RPGRIP1: variants seen among roughly 807,000 people sequenced by gnomAD.
RPGRIP1 encodes the protein RPGR interacting protein 1.
Under a neutral mutation model 157.9 loss-of-function variants are expected in RPGRIP1, and 128 were observed. That is an observed-to-expected ratio of 0.81 (90% CI 0.70 to 0.94). The LOEUF (loss-of-function observed/expected upper bound fraction) is 0.94. RPGRIP1 is among the 40% of genes least tolerant of loss of function. RPGRIP1 has a pLI of 0.00. For missense variants in RPGRIP1, 1,486 were observed against 1,545.8 expected (o/e 0.96, Z 0.65); for synonymous variants, 554 against 571.6 (o/e 0.97, Z 0.44).
chr14:21,291,974 G>T (rs907670953), intron 2 of RPGRIP1, among the ~76,000 whole-genome samples: 1 of 152,030 alleles, frequency 6.6e-6, no homozygotes, highest in Non-Finnish European at 1.5e-5. Flanking sequence ...TGGTCACGCT[G>T]GTCTCAAACT....
At chr14:21,316,760 A>G (rs1881832483) in intron 10 of RPGRIP1, among the ~76,000 whole-genome samples, 2 of 152,214 alleles carry the variant, frequency 1.3e-5, no homozygotes, top group Non-Finnish European at 2.9e-5. Flanking sequence ...GATAAATAAG[A>G]AATAAGACAT....
intron 3 of RPGRIP1, among the ~76,000 whole-genome samples, chr14:21,297,572 T>C (rs1566669971): frequency 6.6e-6 from 1 of 152,168 alleles, no homozygotes; most frequent in Non-Finnish European, 1.5e-5. Flanking sequence ...ATTTTGAAGA[T>C]ACTGGTGTCA....
chr14:21,345,226 A>G, intron 23 of RPGRIP1, 29 bp downstream of exon 23: 1 of 1,511,760 alleles, frequency 6.6e-7, no homozygotes, highest in Non-Finnish European at 9.1e-7. Flanking sequence ...CTTTGAAACA[A>G]AGGAGATATT....
In RPGRIP1 at chr14:21,330,533, G is replaced by T. The variant is rs577004470; in HGVS notation, c.3238+146G>T. 2.5e-4 allele frequency: 126 copies of T among 499,562 alleles called. 4 individuals are homozygous for T. In the South Asian group the frequency reaches 4.6e-3, roughly 18 times the overall value. 30.9% of individuals were successfully genotyped at this position (499,562 alleles called of 1,614,324 possible). On this transcript the variant is annotated intron_variant, in intron 20 of 24. Transcript: ENST00000400017. ...ATACAAAAATTAGCCGGGTATGGTG[G>T]CAGGCGCCTGTAATCCCAGCTACGT... is the stretch of plus-strand genomic sequence containing the variant.
At chr14:21,346,158 C>A (rs1216289817) in intron 23 of RPGRIP1, among the ~76,000 whole-genome samples, 1 of 152,066 alleles carries the variant, frequency 6.6e-6, no homozygotes, top group Non-Finnish European at 1.5e-5. Flanking sequence ...TTTAGATCTC[C>A]TTTAAAGTTT....
chr14:21,334,815 G>T, intron 21 of RPGRIP1, 110 bp downstream of exon 21: 1 of 647,214 alleles, frequency 1.5e-6, no homozygotes, highest in Non-Finnish European at 2.6e-6. Flanking sequence ...GGCCGAGGCA[G>T]GCAGATCACC....
At position 21,307,851 on chromosome 14, in the gene RPGRIP1, T is replaced by C. The variant is rs1054928240; in HGVS notation, c.906+15T>C. The C allele has an allele frequency of 7.0e-7, 1 of 1,432,188 alleles. No homozygotes were observed. The highest frequency in any genetic ancestry group is 1.4e-5 in the South Asian group (1 of 73,356). 88.7% of individuals were successfully genotyped at this position (1,432,188 alleles called of 1,614,324 possible). A position where few individuals can be genotyped will look rare whatever the true frequency, so the allele number is the denominator to read the frequency against. ...AAGTTCAAGAGGTGAGTTGCCATCATCAGCTGTGCTTTCTTGGTGGGGGGA... is the reference window on the plus strand; with the variant it reads ...AAGTTCAAGAGGTGAGTTGCCATCACCAGCTGTGCTTTCTTGGTGGGGGGA... On this transcript the variant is annotated intron_variant, in intron 7 of 24. Transcript: ENST00000400017.
At chr14:21,284,877 T>C (rs1436226765) in intron 1 of RPGRIP1, among the ~76,000 whole-genome samples, 3 of 152,090 alleles carry the variant, frequency 2.0e-5, no homozygotes, top group African/African-American at 7.2e-5. Flanking sequence ...GAGACAAAAC[T>C]GGAAAAGACT....
chr14:21,330,451 G>A (rs1594230738), intron 20 of RPGRIP1, 64 bp downstream of exon 20: 13 of 1,189,788 alleles, frequency 1.1e-5, no homozygotes, highest in South Asian at 2.5e-5. Flanking sequence ...GGCAGATCAC[G>A]AGATCAGGCT....
intron 11 of RPGRIP1, among the ~76,000 whole-genome samples, chr14:21,319,279 CA>C (rs1162361147): frequency 6.6e-6 from 1 of 152,118 alleles, no homozygotes; most frequent in Admixed American, 6.5e-5. Flanking sequence ...AACACACACA[CA>C]GCCTGGTGTG....
intron 14 of RPGRIP1, among the ~76,000 whole-genome samples, chr14:21,322,404 CT>C (rs1187612947): frequency 2.0e-5 from 3 of 152,190 alleles, no homozygotes; most frequent in Non-Finnish European, 4.4e-5. Context: ...GGTGATCCAC[CT>C]GCCTCAGCCT....
rs748072501 is a variant in RPGRIP1, at chr14:21,327,808, G to T, written c.2895+1G>T. 7 of 1,587,556 alleles carry T rather than the reference G, an allele frequency of 4.4e-6. No homozygotes were observed. Among genetic ancestry groups the T allele is most frequent in the Non-Finnish European group, 6.0e-6 (7 of 1,166,740 alleles). On this transcript the variant is annotated splice_donor_variant, in intron 18 of 24. Transcript: ENST00000400017. LOFTEE classifies it high-confidence loss of function. The stretch of plus-strand genomic sequence containing the variant: ...GGAAAAGGCTTCATTTCCTTCCCAG[G>T]TAACTCTCCAGGACTCCACAGGTAG...
At chr14:21,322,036 G>A (rs774974732) in intron 14 of RPGRIP1, 32 bp downstream of exon 14, 3 of 1,556,900 alleles carry the variant, frequency 1.9e-6, no homozygotes, top group South Asian at 1.2e-5. Context: ...TCCTCACTTC[G>A]GGACCCTTCC....
At chr14:21,290,837 A>G (rs1174956451) in intron 2 of RPGRIP1, among the ~76,000 whole-genome samples, 1 of 150,300 alleles carries the variant, frequency 6.7e-6, no homozygotes, top group Non-Finnish European at 1.5e-5. Context: ...AAAAAAGGAA[A>G]GAAAGAAAGA....
At chr14:21,335,145 C>T (rs940184518) in intron 21 of RPGRIP1, among the ~76,000 whole-genome samples, 1 of 150,270 alleles carries the variant, frequency 6.7e-6, no homozygotes, top group African/African-American at 2.5e-5. Context: ...ATGGAAAATG[C>T]AAATTGTTTA....
chr14:21,317,409 G>C lies in RPGRIP1; in HGVS notation c.1152-287G>C. 3 of 605,886 alleles carry C rather than the reference G, an allele frequency of 5.0e-6. No homozygotes were observed. The East Asian group carries it at 8.4e-5, about 17-fold the overall frequency. The allele number at this position is 605,886 out of a possible 1,614,324, so 37.5% of individuals were successfully genotyped here. ...CTTGATACATAGTTCCCTGACTAAA[G>C]AAAGCCATCATGGTGGAGAAGTTCC... is the stretch of plus-strand genomic sequence containing the variant. On this transcript the variant is annotated intron_variant, in intron 10 of 24. Coordinates refer to ENST00000400017, the MANE Select transcript of RPGRIP1 (RefSeq NM_020366.4).
At chr14:21,280,239 TTC>T (rs1205775909) in intron 1 of RPGRIP1, among the ~76,000 whole-genome samples, 80 bp downstream of exon 1, 11 of 124,158 alleles carry the variant, frequency 8.9e-5, no homozygotes, top group African/African-American at 1.2e-4. Context: ...AATAAGTTTA[TTC>T]TTTTTTTTTT....
chr14:21,302,709 G>C, intron 5 of RPGRIP1, 125 bp downstream of exon 5: 1 of 546,828 alleles, frequency 1.8e-6, no homozygotes, highest in East Asian at 3.1e-5. Flanking sequence ...GATGAAAGTC[G>C]ACCCTAGGTC....
intron 1 of RPGRIP1, among the ~76,000 whole-genome samples, chr14:21,282,713 C>G (rs1880175980): frequency 6.7e-6 from 1 of 149,122 alleles, no homozygotes; most frequent in African/African-American, 2.5e-5. Context: ...AGGTTCACGC[C>G]ATTCTCCTGC....
Sources: allele counts gnomAD v4.1 joint callset (sites outside exome capture counted in the v4.1 genomes callset), GRCh38; gene constraint gnomAD v4.1.1; transcripts MANE v1.5; gene names NCBI Gene and HGNC (gene_info 2026-07-23, HGNC 2026-07-21).